SGCD: variants seen among roughly 807,000 people sequenced by gnomAD.
SGCD encodes the protein delta-sarcoglycan.
SGCD carries 18 observed loss-of-function variants against 36.6 expected under a neutral mutation model. That is an observed-to-expected ratio of 0.49 (90% CI 0.34 to 0.73). The LOEUF (loss-of-function observed/expected upper bound fraction) is 0.73. SGCD is among the 30% of genes least tolerant of loss of function. SGCD has a pLI of 0.01. For synonymous variants in SGCD, 133 were observed against 130.6 expected (o/e 1.02, Z -0.12); for missense variants, 387 against 346.7 (o/e 1.12, Z -0.92).
chr5:156,665,443 C>G (rs1307192437), intron 7 of SGCD, among the ~76,000 whole-genome samples: 1 of 152,224 alleles, frequency 6.6e-6, no homozygotes, highest in African/African-American at 2.4e-5. Context: ...ATCTATTAAA[C>G]AGCTTCCAGG....
intron 3 of SGCD, among the ~76,000 whole-genome samples, chr5:156,158,507 G>A (rs1233856156): frequency 1.3e-5 from 2 of 151,484 alleles, no homozygotes; most frequent in African/African-American, 4.9e-5. Context: ...CTAAAGGGGA[G>A]AGGGGAGGGA....
chr5:156,713,419 C>G (rs467770), intron 7 of SGCD, among the ~76,000 whole-genome samples: 135,046 of 147,788 alleles, frequency 0.91, 61,830 homozygotes, highest in East Asian at 0.99. Flanking sequence ...TCGGGGGGGG[C>G]GTTATAGGAG....
At chr5:155,952,499 G>C (rs1757567398) in intron 1 of SGCD, among the ~76,000 whole-genome samples, 1 of 152,004 alleles carries the variant, frequency 6.6e-6, no homozygotes, top group Admixed American at 6.6e-5. Flanking sequence ...TCCTCCACTT[G>C]TCAATGTCTG....
the SGCD span, among the ~76,000 whole-genome samples, chr5:155,731,920 G>A: frequency 2.6e-5 from 4 of 152,088 alleles, no homozygotes; most frequent in African/African-American, 9.7e-5. Context: ...TTTGTTTCTG[G>A]ATTTCTTCGT....
chr5:156,035,624 A>T (rs934106928), intron 1 of SGCD, among the ~76,000 whole-genome samples: 4 of 152,132 alleles, frequency 2.6e-5, no homozygotes, highest in African/African-American at 9.7e-5. Context: ...AAAAAATAAA[A>T]AATAATAATA....
chr5:156,076,863 T>C (rs756375670), intron 1 of SGCD, among the ~76,000 whole-genome samples: 1 of 152,196 alleles, frequency 6.6e-6, no homozygotes, highest in Non-Finnish European at 1.5e-5. Flanking sequence ...GAGCCTTCTG[T>C]ATAAGGCGTC....
chr5:156,206,481 T>C, intron 3 of SGCD, among the ~76,000 whole-genome samples: 1 of 152,154 alleles, frequency 6.6e-6, no homozygotes, highest in African/African-American at 2.4e-5. Context: ...GTGTATGAGG[T>C]TACCTGTTTC....
chr5:156,013,714 G>A (rs929677430), intron 1 of SGCD, among the ~76,000 whole-genome samples: 1 of 151,820 alleles, frequency 6.6e-6, no homozygotes. Flanking sequence ...AAATGTTAAG[G>A]TTAACGTTTT....
intron 1 of SGCD, among the ~76,000 whole-genome samples, chr5:155,896,833 A>G (rs1194066511): frequency 6.6e-6 from 1 of 152,160 alleles, no homozygotes; most frequent in Non-Finnish European, 1.5e-5. Context: ...CATCACACAA[A>G]TTTATGTTTG....
rs562489885 is a variant in SGCD, at chr5:156,215,668, T to A, written c.-44+91649T>A. Among the ~76,000 whole-genome samples, 22 of 152,082 alleles carry A rather than the reference T, an allele frequency of 1.4e-4. No individual in the cohort carries two copies. In the East Asian group the frequency reaches 3.5e-3, roughly 24 times the overall value. The stretch of plus-strand genomic sequence containing the variant: ...CCAGTTAGAATGGCTATTATCAAAA[T>A]GATGAAAGATGGCTGTTATGAAAAA... On this transcript the variant is annotated intron_variant, in intron 3 of 9. Coordinates refer to the SGCD transcript ENST00000517913.
At chr5:156,350,444 A>G (rs1008916661) in intron 3 of SGCD, among the ~76,000 whole-genome samples, 1 of 151,890 alleles carries the variant, frequency 6.6e-6, no homozygotes, top group Non-Finnish European at 1.5e-5. Flanking sequence ...GATCTATCCA[A>G]GATTGAAAAT....
intron 1 of SGCD, among the ~76,000 whole-genome samples, chr5:156,022,282 T>A (rs762091592): frequency 1.3e-5 from 2 of 152,226 alleles, no homozygotes; most frequent in Admixed American, 6.5e-5. Flanking sequence ...TATATTGTGA[T>A]TTCATAAGCT....
intron 1 of SGCD, among the ~76,000 whole-genome samples, chr5:155,928,946 A>T (rs1051050988): frequency 3.3e-5 from 5 of 152,160 alleles, no homozygotes; most frequent in African/African-American, 1.2e-4. Context: ...CTTGAACTTT[A>T]CATGTATTTT....
chr5:156,165,659 G>T (rs1209496832), intron 3 of SGCD, among the ~76,000 whole-genome samples: 1 of 152,176 alleles, frequency 6.6e-6, no homozygotes, highest in Non-Finnish European at 1.5e-5. Context: ...GATATTGACA[G>T]TTGCCTCGGG....
chr5:156,649,273 C>T (rs1763361090), intron 7 of SGCD, among the ~76,000 whole-genome samples: 2 of 152,104 alleles, frequency 1.3e-5, no homozygotes, highest in Admixed American at 6.6e-5. Context: ...GGATTGTAAG[C>T]TATTTCAACC....
chr5:156,176,879 G>A (rs1227845536), intron 3 of SGCD, among the ~76,000 whole-genome samples: 1 of 152,010 alleles, frequency 6.6e-6, no homozygotes, highest in Admixed American at 6.6e-5. Context: ...AAATTGTCAG[G>A]GATGAGGATT....
At chr5:156,649,919 G>A (rs924689023) in intron 7 of SGCD, among the ~76,000 whole-genome samples, 5 of 151,858 alleles carry the variant, frequency 3.3e-5, no homozygotes, top group South Asian at 2.1e-4. Context: ...TTTTTCTATG[G>A]AACAAAGCTT....
At chr5:156,685,940 GA>G (rs569868086) in intron 7 of SGCD, among the ~76,000 whole-genome samples, 53 of 152,246 alleles carry the variant, frequency 3.5e-4, no homozygotes, top group African/African-American at 1.1e-3. Context: ...GGAGGAGGGA[GA>G]GGGGCAGAAA....
chr5:156,613,283 A>T (rs908729248), intron 6 of SGCD, among the ~76,000 whole-genome samples: 10 of 152,228 alleles, frequency 6.6e-5, no homozygotes, highest in African/African-American at 2.4e-4. Flanking sequence ...CAAAGGACTC[A>T]TCAAATCCTG....
Sources: gnomAD v4.1 joint callset for allele counts (sites outside exome capture counted in the v4.1 genomes callset) on GRCh38, gnomAD v4.1.1 for gene constraint, MANE v1.5 for transcripts, NCBI Gene and HGNC (gene_info 2026-07-23, HGNC 2026-07-21) for gene names.